Variants in CLYBL observed in about 807,000 individuals in gnomAD.
The protein encoded by CLYBL is citramalyl-CoA lyase.
CLYBL carries 31 observed loss-of-function variants against 38.9 expected under a neutral mutation model. The observed-to-expected ratio is 0.80, with a 90% CI of 0.60 to 1.08. The LOEUF is 1.08. Ranked by LOEUF, CLYBL falls within the 50% of genes least tolerant of loss-of-function variation. The pLI, the probability that CLYBL is intolerant of heterozygous loss-of-function variation, is 0.00. For missense variants in CLYBL, 434 were observed against 411.6 expected (o/e 1.05, Z -0.47); for synonymous variants, 171 against 158.6 (o/e 1.08, Z -0.59).
chr13:99,803,042 G>C (rs1272650864), intron 2 of CLYBL, among the ~76,000 whole-genome samples: 1 of 152,106 alleles, frequency 6.6e-6, no homozygotes, highest in Admixed American at 6.5e-5. Flanking sequence ...GGACTCTCAA[G>C]ATCTATCCCA....
chr13:99,673,105 A>G (rs1190551789), intron 1 of CLYBL, among the ~76,000 whole-genome samples: 2 of 152,156 alleles, frequency 1.3e-5, no homozygotes, highest in Non-Finnish European at 1.5e-5. Flanking sequence ...GTCCAGTGTC[A>G]TGGTGCAACA....
intron 1 of CLYBL, among the ~76,000 whole-genome samples, chr13:99,750,410 G>A (rs184586888): frequency 2.3e-4 from 35 of 152,234 alleles, no homozygotes; most frequent in Admixed American, 1.2e-3. Context: ...ATGGCCAGGC[G>A]CGGTGGCTCA....
At chr13:99,847,780 G>T (rs2051241047) in intron 2 of CLYBL, among the ~76,000 whole-genome samples, 1 of 152,322 alleles carries the variant, frequency 6.6e-6, no homozygotes, top group Admixed American at 6.5e-5. Context: ...CCAACTTGAG[G>T]ATGGATCCTC....
At chr13:99,889,380 C>A (rs2152130726) in intron 7 of CLYBL, among the ~76,000 whole-genome samples, 1 of 152,314 alleles carries the variant, frequency 6.6e-6, no homozygotes, top group East Asian at 1.9e-4. Flanking sequence ...CCTTGTAAAA[C>A]AGCATGTGAC....
intron 1 of CLYBL, among the ~76,000 whole-genome samples, chr13:99,700,914 A>AT (rs1177548941): frequency 6.6e-6 from 1 of 152,102 alleles, no homozygotes; most frequent in Non-Finnish European, 1.5e-5. Context: ...GAAAAGTTGG[A>AT]TTTTTTTCCC....
chr13:99,849,107 C>T lies in CLYBL; in HGVS notation c.250-9754C>T, dbSNP rs1343319025. Among the ~76,000 whole-genome samples the T allele has an allele frequency of 6.6e-6, 1 of 151,632 alleles. No homozygotes were observed. Among genetic ancestry groups the T allele is most frequent in the Non-Finnish European group, 1.5e-5 (1 of 67,978 alleles). On this transcript the variant is annotated intron_variant, in intron 2 of 8. Coordinates refer to ENST00000339105, the MANE Select transcript of CLYBL (RefSeq NM_206808.5). The surrounding 1 kb of genome is among the most constrained non-coding windows in gnomAD (Gnocchi z 4.9). Reference sequence around the variant, plus strand: ...TGAGCCGAGATCGTGCCATTACACTCCAGCCTAAGAGACACGTGAGACTCC... The same window carrying T: ...TGAGCCGAGATCGTGCCATTACACTTCAGCCTAAGAGACACGTGAGACTCC...
intron 1 of CLYBL, among the ~76,000 whole-genome samples, chr13:99,647,855 G>A (rs901755567): frequency 6.6e-6 from 1 of 152,146 alleles, no homozygotes; most frequent in African/African-American, 2.4e-5. Context: ...CAGTATGGGT[G>A]CCCAGTTGAG....
At chr13:99,806,877 T>C (rs1489150339) in intron 2 of CLYBL, among the ~76,000 whole-genome samples, 1 of 152,246 alleles carries the variant, frequency 6.6e-6, no homozygotes, top group Non-Finnish European at 1.5e-5. Context: ...TGCCATCTGG[T>C]TCACACATGG....
At chr13:99,624,075 A>T (rs1484739883) in intron 1 of CLYBL, among the ~76,000 whole-genome samples, 1 of 152,194 alleles carries the variant, frequency 6.6e-6, no homozygotes, top group African/African-American at 2.4e-5. Context: ...ATAGATACCT[A>T]AAGGCCATGT....
At chr13:99,668,094 T>C (rs1197496832) in intron 1 of CLYBL, among the ~76,000 whole-genome samples, 7 of 151,710 alleles carry the variant, frequency 4.6e-5, no homozygotes, top group African/African-American at 1.7e-4. Context: ...GGCAACATGG[T>C]GAAACCCTGT....
chr13:99,640,162 C>T (rs890947837), intron 1 of CLYBL, among the ~76,000 whole-genome samples: 1 of 152,088 alleles, frequency 6.6e-6, no homozygotes, highest in Non-Finnish European at 1.5e-5. Flanking sequence ...GCCCAAAGTA[C>T]CTGTCTAACT....
At chr13:99,607,574 T>G (rs1376471630) in intron 1 of CLYBL, among the ~76,000 whole-genome samples, 1 of 152,138 alleles carries the variant, frequency 6.6e-6, no homozygotes, top group African/African-American at 2.4e-5. Flanking sequence ...TGCACATACA[T>G]GGTCTCATTT....
intron 1 of CLYBL, among the ~76,000 whole-genome samples, chr13:99,715,823 A>C (rs1050752160): frequency 6.6e-6 from 1 of 152,096 alleles, no homozygotes; most frequent in Non-Finnish European, 1.5e-5. Context: ...GGAAGTTAGT[A>C]GTCAGTGTTT....
downstream of CLYBL, chr13:99,896,585 A>C (rs73559402): frequency 0.079 from 11,934 of 151,718 alleles, 501 homozygotes; most frequent in Admixed American, 0.11. Flanking sequence ...CCGGCCTCAC[A>C]CCGCCTGGCC....
intron 7 of CLYBL, among the ~76,000 whole-genome samples, chr13:99,871,787 G>C (rs531212363): frequency 6.6e-6 from 1 of 152,112 alleles, no homozygotes; most frequent in African/African-American, 2.4e-5. Flanking sequence ...TTATCTTAAA[G>C]GTTATTTGCA....
rs117178485 is a variant in CLYBL, at chr13:99,679,775, T to G, written c.62+73018T>G. Among the ~76,000 whole-genome samples, 450 of 152,214 alleles carry G rather than the reference T, an allele frequency of 3.0e-3. 2 individuals carry two copies. Among genetic ancestry groups the G allele is most frequent in the Non-Finnish European group, 5.2e-3 (356 of 68,014 alleles). On this transcript the variant is annotated intron_variant, in intron 1 of 8. Transcript: ENST00000339105. ...CTGGTAGAAATGGGAAGAAAAGCAT[T>G]TCTATGGATTCCTCTAGCCATTAAT...
At chr13:99,649,890 T>C (rs2047225916) in intron 1 of CLYBL, among the ~76,000 whole-genome samples, 1 of 149,284 alleles carries the variant, frequency 6.7e-6, no homozygotes, top group African/African-American at 2.5e-5. Context: ...AAAAGTTATA[T>C]GATGCTTCAT....
At position 99,623,881 on chromosome 13, in the gene CLYBL, C is replaced by T. The variant is rs1296700672; in HGVS notation, c.62+17124C>T. Reference sequence around the variant, plus strand: ...GGCTGAGGCAGGAGAATCGCTTTAACCTGGGAGGTGAAGGTTGCAGTGAGC... The same window carrying T: ...GGCTGAGGCAGGAGAATCGCTTTAATCTGGGAGGTGAAGGTTGCAGTGAGC... On this transcript the variant is annotated intron_variant, in intron 1 of 8. Transcript: ENST00000339105. Among the ~76,000 whole-genome samples, 3 of 151,396 alleles carry T rather than the reference C, an allele frequency of 2.0e-5. No homozygotes were observed. The East Asian group carries it at 5.8e-4, about 30-fold the overall frequency.
chr13:99,770,862 C>G (rs1336896987), intron 1 of CLYBL, among the ~76,000 whole-genome samples: 1 of 152,012 alleles, frequency 6.6e-6, no homozygotes, highest in Non-Finnish European at 1.5e-5. Context: ...GTTGAGATTA[C>G]AGGTGTGTGC....
Sources: gnomAD v4.1 joint callset for allele counts (sites outside exome capture counted in the v4.1 genomes callset) on GRCh38, gnomAD v4.1.1 for gene constraint, Gnocchi (gnomAD v3.1) non-coding constraint, MANE v1.5 for transcripts, NCBI Gene and HGNC (gene_info 2026-07-23, HGNC 2026-07-21) for gene names.